Variants in ANKDD1A observed in about 807,000 individuals in gnomAD.
ANKDD1A encodes the protein ankyrin repeat and death domain containing 1A.
ANKDD1A carries 59 observed loss-of-function variants against 63.5 expected under a neutral mutation model. That is an observed-to-expected ratio of 0.93 (90% CI 0.75 to 1.15). ANKDD1A has a LOEUF of 1.15. ANKDD1A is among the 50% of genes most tolerant of loss of function. The pLI is 0.00. For synonymous variants in ANKDD1A, 266 were observed against 263.9 expected (o/e 1.01, Z -0.08); for missense variants, 632 against 656.4 (o/e 0.96, Z 0.41).
intron 4 of ANKDD1A, among the ~76,000 whole-genome samples, chr15:64,925,244 A>G (rs1567111037): frequency 6.6e-6 from 1 of 151,916 alleles, no homozygotes; most frequent in East Asian, 1.9e-4. Context: ...AAAAAAAAAA[A>G]AAAAAAGAAG....
Position 64,944,671 on chromosome 15 carries a change from CA to C in ANKDD1A, c.1086del (p.Val363TrpfsTer13). ...TTGCAGCAGGGAAAAACCGCCCTGGCAGTGGCCGTCCGCAGCAACCATGTCA... is the reference window on the plus strand; with the variant it reads ...TTGCAGCAGGGAAAAACCGCCCTGGCGTGGCCGTCCGCAGCAACCATGTCA... Reference protein sequence around the residue: ...LRDKQGKTALAVAVRSNHVSL... With the variant: ...LRDKQGKTALXVAVRSNHVSL... On this transcript the variant is annotated frameshift_variant, in exon 12 of 15. Transcript: ENST00000319580. LOFTEE classifies it high-confidence loss of function. The C allele has an allele frequency of 6.2e-7, 1 of 1,614,056 alleles. No homozygotes were observed.
chr15:64,943,439 C>G, intron 10 of ANKDD1A, 45 bp from the exon 11 acceptor site: 1 of 1,557,396 alleles, frequency 6.4e-7, no homozygotes, highest in South Asian at 1.1e-5. Context: ...AGTGGGCCAC[C>G]CCTACATGCT....
At chr15:64,919,880 C>G (rs2084995964) in intron 3 of ANKDD1A, 1 of 152,650 alleles carries the variant, frequency 6.6e-6, no homozygotes, top group Non-Finnish European at 1.5e-5. Context: ...CCAGTGCTGT[C>G]CTTGTCTGCA....
chr15:64,956,501 C>T (rs957697960), intron 14 of ANKDD1A, among the ~76,000 whole-genome samples: 2 of 151,996 alleles, frequency 1.3e-5, no homozygotes, highest in African/African-American at 2.4e-5. Context: ...TGCAGTGAGC[C>T]GAGACTGTGC....
chr15:64,939,437 C>T (rs907237506), intron 9 of ANKDD1A, among the ~76,000 whole-genome samples: 8 of 152,060 alleles, frequency 5.3e-5, no homozygotes, highest in African/African-American at 1.7e-4. Flanking sequence ...GGCAACAAAG[C>T]GAGACTGTCT....
At chr15:64,924,606 A>G (rs1189542886) in intron 4 of ANKDD1A, among the ~76,000 whole-genome samples, 1 of 152,192 alleles carries the variant, frequency 6.6e-6, no homozygotes, top group East Asian at 1.9e-4. Flanking sequence ...CTTGCCAGGC[A>G]TTGGTGATAT....
At chr15:64,951,722 C>CT (rs2085284570) in intron 14 of ANKDD1A, among the ~76,000 whole-genome samples, 40 of 3,448 alleles carry the variant, frequency 0.012, no homozygotes, top group Admixed American at 0.1. Context: ...TTTTTCTTCC[C>CT]TTTTCTTCTT....
chr15:64,951,358 T>C (rs1595858033), intron 14 of ANKDD1A: 1 of 528,574 alleles, frequency 1.9e-6, no homozygotes, highest in South Asian at 7.9e-5. Flanking sequence ...CTCTTCTTTC[T>C]TCTTCCTCTT....
rs538401562 is a variant in ANKDD1A at position 64,934,478 on chromosome 15, T to C, written c.867+244T>C. Among the ~76,000 whole-genome samples, 41 of 151,468 alleles carry C rather than the reference T, an allele frequency of 2.7e-4. No homozygotes were observed. The South Asian group carries it at 7.7e-3, about 28-fold the overall frequency. On this transcript the variant is annotated intron_variant, in intron 9 of 14. Coordinates refer to ENST00000319580, the MANE Select transcript of ANKDD1A (RefSeq NM_182703.6). ...CTCCTGTTCTCTGCTCGTTTATGCATTGGGGCTTTTTTTTTTCTTTTCTTT... is the reference window on the plus strand; with the variant it reads ...CTCCTGTTCTCTGCTCGTTTATGCACTGGGGCTTTTTTTTTTCTTTTCTTT...
chr15:64,945,607 C>CTTATAT (rs1277861527), intron 12 of ANKDD1A, among the ~76,000 whole-genome samples: 2,801 of 73,820 alleles, frequency 0.038, 159 homozygotes, highest in Middle Eastern at 0.085. Flanking sequence ...GCATTTTCAA[C>CTTATAT]ATATATATAT....
In ANKDD1A at chr15:64,952,581, TTTTCTTCTTCTTCCTTCG is replaced by T. The variant is rs2085313342; in HGVS notation, c.1483+2611_1483+2628del. 1.7e-4 allele frequency among the ~76,000 whole-genome samples: 17 copies of T among 101,736 alleles called. No individual in the cohort carries two copies. The East Asian group carries it at 1.9e-3, about 12-fold the overall frequency. 66.7% of individuals were successfully genotyped at this position (101,736 alleles called of 152,430 possible). On this transcript the variant is annotated intron_variant, in intron 14 of 14. Transcript: ENST00000319580. Reference sequence around the variant, plus strand: ...TTCTCCTTCGTTCTTCTTCTCCTTCTTTTCTTCTTCTTCCTTCGTCTTCTTCTTCCTCCTCTCCTTCTT... The same window carrying T: ...TTCTCCTTCGTTCTTCTTCTCCTTCTTCTTCTTCTTCCTCCTCTCCTTCTT...
intron 14 of ANKDD1A, among the ~76,000 whole-genome samples, chr15:64,953,663 T>TCTCCTTCTTCCTTTTCC (rs1313520379): frequency 3.0e-5 from 4 of 135,454 alleles, no homozygotes; most frequent in Non-Finnish European, 6.2e-5. Context: ...CTTCTTTTCT[T>TCTCCTTCTTCCTTTTCC]TCTTCTCCTT....
chr15:64,917,528 T>TGTCC lies in ANKDD1A; in HGVS notation c.267+17_267+18insCGTC, dbSNP rs1381462279. 6.4e-7 allele frequency: 1 copy of TGTCC among 1,553,882 alleles called. No individual in the cohort carries two copies. Among genetic ancestry groups the TGTCC allele is most frequent in the Non-Finnish European group, 8.7e-7 (1 of 1,147,972 alleles). On this transcript the variant is annotated intron_variant, in intron 3 of 14. Coordinates refer to ENST00000319580, the MANE Select transcript of ANKDD1A (RefSeq NM_182703.6). The stretch of plus-strand genomic sequence containing the variant: ...GCACGTCTGTGTGTACGTGTCTGTC[T>TGTCC]GTCTGTCTGTCTCAGGGTGGTGGGG...
chr15:64,938,944 C>CA (rs34151661), intron 9 of ANKDD1A, among the ~76,000 whole-genome samples: 3,963 of 132,766 alleles, frequency 0.03, 195 homozygotes, highest in African/African-American at 0.1. Context: ...GACTCCATCT[C>CA]AAAAAAAAAA....
intron 1 of ANKDD1A, among the ~76,000 whole-genome samples, chr15:64,914,671 A>G (rs1449649165): frequency 6.6e-6 from 1 of 152,202 alleles, no homozygotes; most frequent in Admixed American, 6.5e-5. Flanking sequence ...AGGAAGGGTC[A>G]AGTGTGGCCA....
intron 12 of ANKDD1A, among the ~76,000 whole-genome samples, chr15:64,945,822 T>C (rs1483293609): frequency 6.6e-6 from 1 of 150,470 alleles, no homozygotes; most frequent in African/African-American, 2.4e-5. Context: ...TTAGTAGAGA[T>C]GGGGTTTCAC....
At chr15:64,953,292 TTTCTTCTTCTTTTACTTTTTTCTTTCTTC>T (rs2085336606) in intron 14 of ANKDD1A, among the ~76,000 whole-genome samples, 1 of 147,648 alleles carries the variant, frequency 6.8e-6, no homozygotes, top group East Asian at 1.9e-4. Context: ...TTCTTCCTTC[TTTCTTCTTCTTTTACTTTTTTCTTTCTTC>T]TTTCCTTCTT....
intron 11 of ANKDD1A, among the ~76,000 whole-genome samples, chr15:64,944,206 C>G (rs909079420): frequency 6.6e-6 from 1 of 152,204 alleles, no homozygotes; most frequent in Non-Finnish European, 1.5e-5. Context: ...CTTCCCATCT[C>G]ACTGCAGGTC....
At chr15:64,940,843 A>C (rs372172796) in intron 9 of ANKDD1A, among the ~76,000 whole-genome samples, 14 of 152,126 alleles carry the variant, frequency 9.2e-5, no homozygotes, top group African/African-American at 3.4e-4. Flanking sequence ...GGTTCAAGCA[A>C]TCCTCCTGCC....
Sources: gnomAD v4.1 joint callset for allele counts (sites outside exome capture counted in the v4.1 genomes callset) on GRCh38, gnomAD v4.1.1 for gene constraint, MANE v1.5 for transcripts, NCBI Gene and HGNC (gene_info 2026-07-23, HGNC 2026-07-21) for gene names.